The following SRD5A2 variants were observed in gnomAD, a reference collection of about 807,000 sequenced individuals.
SRD5A2 encodes 3-oxo-5-alpha-steroid 4-dehydrogenase 2.
In SRD5A2, 30 loss-of-function variants were observed where a neutral mutation model predicts 27.4. The observed-to-expected ratio is 1.10, with a 90% CI of 0.82 to 1.49. The LOEUF (loss-of-function observed/expected upper bound fraction) is 1.49. SRD5A2 is among the 40% of genes most tolerant of loss of function. SRD5A2 has a pLI of 0.00. For synonymous variants in SRD5A2, 141 were observed against 133.6 expected, an observed-to-expected ratio of 1.06 and a Z score of -0.38; for missense variants, 348 against 323.4, an observed-to-expected ratio of 1.08 and a Z score of -0.58.
At position 31,526,143 on chromosome 2, in the gene SRD5A2, T is replaced by C. The variant is rs1236193029; in HGVS notation, c.*53A>G. ...CATGAAAATTACAGTTTCAGCAGCT[T>C]GACAGTTTTCATCAGCATTGTGGGA... On this transcript the variant is annotated 3_prime_UTR_variant, in exon 5 of 5. Coordinates refer to ENST00000622030, the MANE Select transcript of SRD5A2 (RefSeq NM_000348.4). 1.3e-5 allele frequency: 15 copies of C among 1,147,052 alleles called. No homozygotes were observed. The highest frequency in any genetic ancestry group is 1.9e-5 in the Non-Finnish European group (15 of 787,606). The allele number at this position is 1,147,052 out of a possible 1,614,324, so 71.1% of individuals were successfully genotyped here. A position where few individuals can be genotyped will look rare whatever the true frequency, so the allele number is the denominator to read the frequency against.
the SRD5A2 span, among the ~76,000 whole-genome samples, chr2:31,617,711 C>T: frequency 6.6e-6 from 1 of 152,226 alleles, no homozygotes. Context: ...ACCTAACAAG[C>T]ATCAACTTTA....
the SRD5A2 span, among the ~76,000 whole-genome samples, chr2:31,630,047 C>T: frequency 5.3e-5 from 8 of 152,288 alleles, no homozygotes; most frequent in South Asian, 1.7e-3. Flanking sequence ...TTATGTGGGA[C>T]CCATTCCCCA....
intron 1 of SRD5A2, among the ~76,000 whole-genome samples, chr2:31,537,681 T>C (rs1357203643): frequency 2.0e-5 from 3 of 152,210 alleles, no homozygotes; most frequent in African/African-American, 7.2e-5. Flanking sequence ...TGATCACATC[T>C]AGACATATCA....
chr2:31,596,385 CAA>C, the SRD5A2 span, among the ~76,000 whole-genome samples: 11,854 of 63,150 alleles, frequency 0.19, 414 homozygotes, highest in Middle Eastern at 0.25. Flanking sequence ...AAGACTCCAC[CAA>C]AAAAAAAAAA....
chr2:31,582,493 C>T (rs28382987), upstream of SRD5A2, among the ~76,000 whole-genome samples: 2,196 of 152,228 alleles, frequency 0.014, 40 homozygotes, highest in Middle Eastern at 0.068. Flanking sequence ...TCATACTGAC[C>T]GAAGCATTTT....
At chr2:31,591,260 T>A in the SRD5A2 span, among the ~76,000 whole-genome samples, 5 of 151,920 alleles carry the variant, frequency 3.3e-5, no homozygotes, top group Admixed American at 2.6e-4. Context: ...AATAACCCCA[T>A]CAAAAAGTGG....
the SRD5A2 span, among the ~76,000 whole-genome samples, chr2:31,641,718 T>C: frequency 6.6e-6 from 1 of 152,048 alleles, no homozygotes; most frequent in Admixed American, 6.6e-5. Context: ...AAAAGCTATA[T>C]ATAATCATTT....
At chr2:31,611,364 A>G in the SRD5A2 span, among the ~76,000 whole-genome samples, 1 of 152,214 alleles carries the variant, frequency 6.6e-6, no homozygotes, top group Non-Finnish European at 1.5e-5. Context: ...TCAAAATAAA[A>G]AACAATTCTG....
At position 31,523,153 on chromosome 2, in the gene SRD5A2, C is replaced by T. The variant is rs1665695326; in HGVS notation, c.*3043G>A. The T allele has an allele frequency of 4.6e-6, 1 of 215,634 alleles. No homozygotes were observed. Among genetic ancestry groups the T allele is most frequent in the Non-Finnish European group, 9.3e-6 (1 of 106,962 alleles). The allele number at this position is 215,634 out of a possible 1,614,324, so 13.4% of individuals were successfully genotyped here. A position where few individuals can be genotyped will look rare whatever the true frequency, so the allele number is the denominator to read the frequency against. On this transcript the variant is annotated 3_prime_UTR_variant, in exon 5 of 5. Coordinates refer to ENST00000622030, the MANE Select transcript of SRD5A2 (RefSeq NM_000348.4). Reference sequence around the variant, plus strand: ...GGTTTATGACCTGAAACCTTTTTTCCATGCTGAACACACATGTTGTCTTGA... The same window carrying T: ...GGTTTATGACCTGAAACCTTTTTTCTATGCTGAACACACATGTTGTCTTGA...
At chr2:31,583,624 AAAAACAAAAAAAAAGCAAAAAAAAAACC>A (rs1288455459), upstream of SRD5A2, among the ~76,000 whole-genome samples, 5 of 45,244 alleles carry the variant, frequency 1.1e-4, 1 homozygote, top group Admixed American at 2.2e-4. Context: ...GAAAAAAAAA[AAAAACAAAAAAAAAGCAAAAAAAAAACC>A]AAAAAAAAAG....
At chr2:31,603,227 A>G in the SRD5A2 span, among the ~76,000 whole-genome samples, 1 of 151,778 alleles carries the variant, frequency 6.6e-6, no homozygotes, top group Non-Finnish European at 1.5e-5. Flanking sequence ...CAAAAAATTA[A>G]AAGTGGGCAA....
chr2:31,606,404 T>G, the SRD5A2 span, among the ~76,000 whole-genome samples: 6 of 151,946 alleles, frequency 3.9e-5, no homozygotes, highest in Non-Finnish European at 7.4e-5. Flanking sequence ...TTGTACCCCT[T>G]AAATATATAC....
the SRD5A2 span, among the ~76,000 whole-genome samples, chr2:31,659,605 C>G: frequency 6.6e-6 from 1 of 152,044 alleles, no homozygotes; most frequent in Non-Finnish European, 1.5e-5. Flanking sequence ...GAATAAAATA[C>G]CTAGGAATAC....
At chr2:31,585,110 G>T (rs1475164473), upstream of SRD5A2, among the ~76,000 whole-genome samples, 2 of 152,194 alleles carry the variant, frequency 1.3e-5, no homozygotes, top group East Asian at 3.8e-4. Context: ...ATTCAAACCA[G>T]TCCCAGCCAA....
At chr2:31,555,410 A>G (rs1666475238) in intron 1 of SRD5A2, among the ~76,000 whole-genome samples, 1 of 152,094 alleles carries the variant, frequency 6.6e-6, no homozygotes, top group Admixed American at 6.6e-5. Context: ...GTGCTATCAC[A>G]TTGGTTGTCT....
At chr2:31,627,431 GGGGTGT>G in the SRD5A2 span, among the ~76,000 whole-genome samples, 1 of 136,960 alleles carries the variant, frequency 7.3e-6, no homozygotes, top group African/African-American at 2.7e-5. Flanking sequence ...CTTTTGTACG[GGGGTGT>G]GTGTGTGTGT....
At chr2:31,539,767 T>C (rs950837808) in intron 1 of SRD5A2, among the ~76,000 whole-genome samples, 1 of 152,140 alleles carries the variant, frequency 6.6e-6, no homozygotes, top group African/African-American at 2.4e-5. Flanking sequence ...TGGAAACCAG[T>C]TGGGAGGTGA....
At chr2:31,630,676 C>T in the SRD5A2 span, among the ~76,000 whole-genome samples, 4 of 152,210 alleles carry the variant, frequency 2.6e-5, no homozygotes, top group Non-Finnish European at 5.9e-5. Flanking sequence ...GAGCACATCT[C>T]ACCAATTCAG....
At chr2:31,584,452 A>G (rs2148109948), upstream of SRD5A2, among the ~76,000 whole-genome samples, 1 of 152,312 alleles carries the variant, frequency 6.6e-6, no homozygotes, top group South Asian at 2.1e-4. Context: ...ACTTTTGACA[A>G]CAACTACTAG....
Sources: allele counts gnomAD v4.1 joint callset (sites outside exome capture counted in the v4.1 genomes callset), GRCh38; gene constraint gnomAD v4.1.1; transcripts MANE v1.5; gene names NCBI Gene and HGNC (gene_info 2026-07-23, HGNC 2026-07-21).